The following NKAIN3 variants were observed in gnomAD, a reference collection of about 807,000 sequenced individuals.
The protein encoded by NKAIN3 is sodium/potassium transporting ATPase interacting 3.
Under a neutral mutation model 30.2 loss-of-function variants are expected in NKAIN3, and 25 were observed. That is an observed-to-expected ratio of 0.83 (90% confidence interval 0.60 to 1.16). The LOEUF is 1.16. Among genes scored for constraint, NKAIN3 ranks in the 50% most tolerant of loss-of-function variants. NKAIN3 has a pLI of 0.00. For synonymous variants in NKAIN3, 91 were observed against 89.6 expected, an observed-to-expected ratio of 1.02 and a Z score of -0.09; for missense variants, 225 against 254.1, an observed-to-expected ratio of 0.89 and a Z score of 0.78.
Position 62,981,024 on chromosome 8 carries a change from C to A in NKAIN3, c.*15617C>A, listed in dbSNP as rs1180443986. The A allele has an allele frequency of 6.6e-6, 1 of 152,128 alleles. No homozygotes were observed. The highest frequency in any genetic ancestry group is 1.5e-5 in the Non-Finnish European group (1 of 68,028). The allele number at this position is 152,128 out of a possible 1,614,324, so 9.4% of individuals were successfully genotyped here. On this transcript the variant is annotated 3_prime_UTR_variant, in exon 7 of 7. Transcript: ENST00000623646. ...CCACAAAGTCTTTGGTCTGAAGACT[C>A]AGAGCTTAAATTGCATTGGTCCTGT...
chr8:62,395,066 CG>C (rs1294145319), intron 1 of NKAIN3, among the ~76,000 whole-genome samples: 1 of 140,230 alleles, frequency 7.1e-6, no homozygotes, highest in Non-Finnish European at 1.6e-5. Flanking sequence ...GACGGTGGGT[CG>C]GCCAGGCAGA....
At chr8:62,883,258 A>T (rs1004107929) in intron 4 of NKAIN3, among the ~76,000 whole-genome samples, 2 of 152,102 alleles carry the variant, frequency 1.3e-5, no homozygotes, top group Non-Finnish European at 2.9e-5. Flanking sequence ...AATTTTCCTC[A>T]TAAATATCTT....
intron 1 of NKAIN3, among the ~76,000 whole-genome samples, chr8:62,277,271 G>A (rs1812994131): frequency 6.6e-6 from 1 of 152,004 alleles, no homozygotes. Context: ...GTATTTTTTT[G>A]TAATCTGCAT....
At chr8:62,668,793 A>C (rs1439255165) in intron 3 of NKAIN3, among the ~76,000 whole-genome samples, 1 of 152,204 alleles carries the variant, frequency 6.6e-6, no homozygotes, top group Non-Finnish European at 1.5e-5. Context: ...AATTTTAATC[A>C]GTTCATAGTA....
chr8:62,644,273 G>A lies in NKAIN3; in HGVS notation c.273+54479G>A, dbSNP rs116438873. Among the ~76,000 whole-genome samples the A allele has an allele frequency of 4.8e-3, 737 of 152,042 alleles. 7 individuals carry two copies. Among genetic ancestry groups the A allele is most frequent in the African/African-American group, 0.017 (705 of 41,502 alleles). Reference sequence around the variant, plus strand: ...TGTAGTTCCCGTAGGTCTTTTTATTGTCTTTATGATTATTCTCTTTGCAAA... The same window carrying A: ...TGTAGTTCCCGTAGGTCTTTTTATTATCTTTATGATTATTCTCTTTGCAAA... On this transcript the variant is annotated intron_variant, in intron 3 of 6. Transcript: ENST00000623646.
At chr8:62,922,645 A>C (rs1184671431) in intron 5 of NKAIN3, among the ~76,000 whole-genome samples, 1 of 152,144 alleles carries the variant, frequency 6.6e-6, no homozygotes, top group African/African-American at 2.4e-5. Flanking sequence ...AATGTGCAAA[A>C]TTGGTAAGGG....
intron 1 of NKAIN3, among the ~76,000 whole-genome samples, chr8:62,288,711 T>C (rs1489161313): frequency 6.6e-6 from 1 of 152,216 alleles, no homozygotes; most frequent in Non-Finnish European, 1.5e-5. Context: ...TACGTGTGCA[T>C]GTGTCTTTAT....
At chr8:62,340,169 A>C (rs918858119) in intron 1 of NKAIN3, among the ~76,000 whole-genome samples, 1 of 152,094 alleles carries the variant, frequency 6.6e-6, no homozygotes, top group Non-Finnish European at 1.5e-5. Context: ...AGGTTTGATG[A>C]AGAATAGTCA....
chr8:62,765,354 C>CAT (rs1297723817), intron 4 of NKAIN3, among the ~76,000 whole-genome samples: 5 of 151,266 alleles, frequency 3.3e-5, no homozygotes, highest in African/African-American at 9.7e-5. Flanking sequence ...GTGTGCAAAT[C>CAT]ATAGAAAGAT....
At chr8:62,596,020 C>T (rs1295351922) in intron 3 of NKAIN3, among the ~76,000 whole-genome samples, 1 of 152,030 alleles carries the variant, frequency 6.6e-6, no homozygotes, top group Non-Finnish European at 1.5e-5. Context: ...GCACACTTTA[C>T]AGGCCCTGAC....
At chr8:62,453,035 A>G (rs1805700223) in intron 1 of NKAIN3, among the ~76,000 whole-genome samples, 1 of 152,244 alleles carries the variant, frequency 6.6e-6, no homozygotes, top group African/African-American at 2.4e-5. Flanking sequence ...ATAGAAAATG[A>G]AATATTTACA....
chr8:62,283,537 A>T (rs1283158334), intron 1 of NKAIN3, among the ~76,000 whole-genome samples: 9 of 152,188 alleles, frequency 5.9e-5, no homozygotes, highest in Admixed American at 2.6e-4. Flanking sequence ...TACTATTTTA[A>T]ATCATATATA....
At chr8:62,283,682 A>G (rs1330766380) in intron 1 of NKAIN3, among the ~76,000 whole-genome samples, 1 of 152,122 alleles carries the variant, frequency 6.6e-6, no homozygotes, top group African/African-American at 2.4e-5. Context: ...CCCTTAATTT[A>G]AAAAATAATA....
chr8:62,904,306 C>T (rs1211484253), intron 4 of NKAIN3, among the ~76,000 whole-genome samples: 1 of 152,164 alleles, frequency 6.6e-6, no homozygotes, highest in Non-Finnish European at 1.5e-5. Flanking sequence ...AAGCAGTATG[C>T]ATTCTGAAAT....
chr8:62,710,033 A>T (rs1049001788), intron 3 of NKAIN3, among the ~76,000 whole-genome samples: 1 of 152,066 alleles, frequency 6.6e-6, no homozygotes, highest in Non-Finnish European at 1.5e-5. Context: ...CATTGTTTTG[A>T]AGGTTCCTTT....
intron 1 of NKAIN3, among the ~76,000 whole-genome samples, chr8:62,408,304 T>C (rs1257507346): frequency 1.3e-5 from 2 of 152,140 alleles, no homozygotes; most frequent in Non-Finnish European, 2.9e-5. Flanking sequence ...TGAAAATTTA[T>C]ACATCCATCT....
At chr8:62,783,352 G>A (rs1003504294) in intron 4 of NKAIN3, among the ~76,000 whole-genome samples, 2 of 152,020 alleles carry the variant, frequency 1.3e-5, no homozygotes, top group Non-Finnish European at 2.9e-5. Context: ...CTGCAGCCTG[G>A]AAGAAGATCC....
intron 1 of NKAIN3, among the ~76,000 whole-genome samples, chr8:62,340,813 A>T (rs1815716590): frequency 6.6e-6 from 1 of 151,934 alleles, no homozygotes; most frequent in Non-Finnish European, 1.5e-5. Flanking sequence ...CTTCCCACAG[A>T]TGGTGGTTTG....
intron 1 of NKAIN3, among the ~76,000 whole-genome samples, chr8:62,283,895 G>A (rs186278907): frequency 7.2e-4 from 110 of 151,988 alleles, no homozygotes; most frequent in African/African-American, 2.6e-3. Flanking sequence ...TTATTTCTTT[G>A]GGAATACTTT....
Sources: gnomAD v4.1 joint callset for allele counts (sites outside exome capture counted in the v4.1 genomes callset) on GRCh38, gnomAD v4.1.1 for gene constraint, MANE v1.5 for transcripts, NCBI Gene and HGNC (gene_info 2026-07-23, HGNC 2026-07-21) for gene names.